PDE11A: variants seen among roughly 807,000 people sequenced by gnomAD.
PDE11A encodes phosphodiesterase 11A, also known as dual 3',5'-cyclic-AMP and -GMP phosphodiesterase 11A.
PDE11A carries 100 observed loss-of-function variants against 100.5 expected under a neutral mutation model. That is an observed-to-expected ratio of 1.00 (90% CI 0.85 to 1.18). The LOEUF (loss-of-function observed/expected upper bound fraction) is 1.18. Ranked by LOEUF, PDE11A falls within the 50% of genes most tolerant of loss-of-function variation. The probability of loss-of-function intolerance (pLI) is 0.00; values close to 1 mark genes in which losing one functional copy is unlikely to be tolerated. For synonymous variants in PDE11A, 381 were observed against 420.8 expected (o/e 0.91, Z 1.16); for missense variants, 1,141 against 1,152.6 (o/e 0.99, Z 0.15).
At chr2:177,637,900 T>TAC (rs1311053914) in intron 19 of PDE11A, among the ~76,000 whole-genome samples, 17 of 142,174 alleles carry the variant, frequency 1.2e-4, no homozygotes, top group African/African-American at 1.3e-4. Context: ...TATATATATA[T>TAC]ACATATATAC....
rs1354884809 is a variant in PDE11A, at chr2:177,787,293, T to G, written c.1738-17920A>C. Among the ~76,000 whole-genome samples, 6 of 149,928 alleles carry G rather than the reference T, an allele frequency of 4.0e-5. No homozygotes were observed. The East Asian group carries it at 1.2e-3, about 29-fold the overall frequency. The stretch of plus-strand genomic sequence containing the variant: ...ATTTCATATCCAGCCAAACTAAGCT[T>G]CATAAGTGAAGGAGAAATAAAACAC... On this transcript the variant is annotated intron_variant, in intron 9 of 19. Coordinates refer to ENST00000286063, the MANE Select transcript of PDE11A (RefSeq NM_016953.4).
rs1347746981 is a variant in PDE11A, at chr2:177,624,054, C to T, written c.*5353G>A. On this transcript the variant is annotated 3_prime_UTR_variant, in exon 20 of 20. Coordinates refer to ENST00000286063, the MANE Select transcript of PDE11A (RefSeq NM_016953.4). ...CTTAGGAAGCTGGTGCAATTTTGGC[C>T]TTCTTGTAGTCAGACTTAACCTTTA... is the stretch of plus-strand genomic sequence containing the variant. The T allele has an allele frequency of 6.6e-6, 1 of 152,116 alleles. No homozygotes were observed. The highest frequency in any genetic ancestry group is 2.4e-5 in the African/African-American group (1 of 41,430). 9.4% of individuals were successfully genotyped at this position (152,116 alleles called of 1,614,324 possible).
chr2:177,830,182 G>C (rs753154269), intron 6 of PDE11A, among the ~76,000 whole-genome samples: 1 of 152,134 alleles, frequency 6.6e-6, no homozygotes, highest in Non-Finnish European at 1.5e-5. Context: ...TAAAAAGAAC[G>C]CCAAGATCCA....
intron 9 of PDE11A, among the ~76,000 whole-genome samples, chr2:177,778,380 C>A (rs991519234): frequency 6.6e-6 from 1 of 152,088 alleles, no homozygotes; most frequent in Non-Finnish European, 1.5e-5. Flanking sequence ...GACCATTATA[C>A]CAGCAGAGAG....
chr2:177,972,344 A>G (rs956786315), intron 2 of PDE11A, among the ~76,000 whole-genome samples: 6 of 152,212 alleles, frequency 3.9e-5, no homozygotes, highest in Non-Finnish European at 2.9e-5. Context: ...TCTAAGATCA[A>G]GAGGAGCTGA....
At chr2:177,813,333 T>C (rs2082980301) in intron 9 of PDE11A, among the ~76,000 whole-genome samples, 1 of 152,222 alleles carries the variant, frequency 6.6e-6, no homozygotes, top group Non-Finnish European at 1.5e-5. Context: ...TTGGCTGAAT[T>C]CTTTCTCCCA....
intron 4 of PDE11A, among the ~76,000 whole-genome samples, chr2:177,880,267 G>A (rs1236138886): frequency 6.6e-6 from 1 of 152,200 alleles, no homozygotes; most frequent in Non-Finnish European, 1.5e-5. Flanking sequence ...CCAACAATAT[G>A]ATTTGGGTGG....
intron 2 of PDE11A, among the ~76,000 whole-genome samples, chr2:178,082,360 A>G (rs1197050582): frequency 6.6e-6 from 1 of 152,198 alleles, no homozygotes; most frequent in Admixed American, 6.5e-5. Flanking sequence ...AAGAAATACA[A>G]TTTTAAAATA....
chr2:177,951,687 T>A (rs552098923), intron 2 of PDE11A, among the ~76,000 whole-genome samples: 2 of 152,258 alleles, frequency 1.3e-5, no homozygotes, highest in East Asian at 3.9e-4. Context: ...GTTCATGCAA[T>A]GGGCAGTGCT....
chr2:177,958,499 A>G (rs1179083720), intron 2 of PDE11A, among the ~76,000 whole-genome samples: 1 of 152,260 alleles, frequency 6.6e-6, no homozygotes, highest in Non-Finnish European at 1.5e-5. Context: ...GATAAGGCTG[A>G]GAGGGGTAAG....
chr2:177,676,248 GGT>G (rs1458072378), intron 16 of PDE11A, among the ~76,000 whole-genome samples: 2 of 152,198 alleles, frequency 1.3e-5, no homozygotes, highest in African/African-American at 2.4e-5. Context: ...AGATAGCTCT[GGT>G]GCTTATATAT....
rs569168263 is a variant in PDE11A at position 177,817,898 on chromosome 2, T to A, written c.1604A>T (p.Asp535Val). The change falls in exon 8 of 20, where the codon GAT (aspartate) becomes GTT (valine). Residue 535 changes from aspartate (D) to valine (V), a missense_variant. By Grantham distance (152) the Asp-to-Val change is radical. Transcript: ENST00000286063. ...ATCTGCATCATCAAAAGGTTTCCCA[T>A]CAAGTCTGTTTAACACTTGAGCCAC... Reference protein sequence around the residue: ...IGVAQVLNRLDGKPFDDADQR... With the variant: ...IGVAQVLNRLVGKPFDDADQR... 4 of 1,544,306 alleles carry A rather than the reference T, an allele frequency of 2.6e-6. No individual in the cohort carries two copies. The highest frequency in any genetic ancestry group is 3.6e-6 in the Non-Finnish European group (4 of 1,118,116).
chr2:177,777,510 T>C (rs1454477515), intron 9 of PDE11A, among the ~76,000 whole-genome samples: 1 of 152,186 alleles, frequency 6.6e-6, no homozygotes, highest in African/African-American at 2.4e-5. Context: ...TGCAGAATCA[T>C]ATTATTTAAA....
At position 177,680,116 on chromosome 2, in the gene PDE11A, T is replaced by C. The variant is rs527647520; in HGVS notation, c.2423+710A>G. ...GTTTCCGCTTGGGGTAATCCAGTAG[T>C]TGCCTGGTTGTGGAGCAGACCCAGT... On this transcript the variant is annotated intron_variant, in intron 16 of 19. Coordinates refer to ENST00000286063, the MANE Select transcript of PDE11A (RefSeq NM_016953.4). 8.2e-4 allele frequency among the ~76,000 whole-genome samples: 124 copies of C among 152,108 alleles called. 2 individuals are homozygous for C. Among genetic ancestry groups the C allele is most frequent in the African/African-American group, 2.8e-3 (117 of 41,470 alleles).
chr2:177,997,640 G>A, intron 2 of PDE11A: 1 of 1,429,548 alleles, frequency 7.0e-7, no homozygotes, highest in Admixed American at 1.7e-5. Context: ...GCAAAGTATT[G>A]CAGCCTGATT....
chr2:177,691,686 G>C (rs761444890), intron 15 of PDE11A, among the ~76,000 whole-genome samples: 1 of 152,024 alleles, frequency 6.6e-6, no homozygotes, highest in Non-Finnish European at 1.5e-5. Context: ...GGGTTAATGA[G>C]AAAAGAAAAA....
At chr2:178,016,034 G>A (rs542848144) in intron 1 of PDE11A, among the ~76,000 whole-genome samples, 7 of 151,734 alleles carry the variant, frequency 4.6e-5, no homozygotes, top group Admixed American at 2.0e-4. Context: ...ATTTGATCTC[G>A]GTTCACTGCA....
intron 1 of PDE11A, among the ~76,000 whole-genome samples, chr2:178,028,045 T>C (rs1034035475): frequency 1.3e-5 from 2 of 152,124 alleles, no homozygotes; most frequent in Non-Finnish European, 2.9e-5. Context: ...AAATCAGGCA[T>C]CTTCTACTGG....
intron 1 of PDE11A, among the ~76,000 whole-genome samples, chr2:178,066,022 A>AT (rs2087038522): frequency 6.6e-6 from 1 of 151,948 alleles, no homozygotes. Flanking sequence ...TTTATGTATA[A>AT]TTTTTTGTGT....
Sources: gnomAD v4.1 joint callset for allele counts (sites outside exome capture counted in the v4.1 genomes callset) on GRCh38, gnomAD v4.1.1 for gene constraint, MANE v1.5 for transcripts, NCBI Gene and HGNC (gene_info 2026-07-23, HGNC 2026-07-21) for gene names.